CCDC192: variants seen among roughly 807,000 people sequenced by gnomAD.
CCDC192 encodes coiled-coil domain-containing protein 192.
rs1289900938 is a variant in CCDC192, at chr5:127,800,392, AAAAAAAAAACAAC to A, written c.411+2233_411+2245del. On this transcript the variant is annotated intron_variant, in intron 5 of 6. Transcript: ENST00000514853. ...AGGTATTCTGAAAAAAAAAAAAAAA[AAAAAAAAAACAAC>A]AACAACAAAAAGTAGGAAGACTGTT... Among the ~76,000 whole-genome samples, 451 of 140,008 alleles carry A rather than the reference AAAAAAAAAACAAC, an allele frequency of 3.2e-3. 1 individual carries two copies. Among genetic ancestry groups the A allele is most frequent in the African/African-American group, 0.011 (438 of 39,822 alleles). The allele number at this position is 140,008 out of a possible 152,430, so 91.9% of individuals were successfully genotyped here. A position where few individuals can be genotyped will look rare whatever the true frequency, so the allele number is the denominator to read the frequency against.
At chr5:127,741,135 A>C (rs916173223) in intron 2 of CCDC192, among the ~76,000 whole-genome samples, 2 of 152,174 alleles carry the variant, frequency 1.3e-5, no homozygotes, top group South Asian at 2.1e-4. Context: ...ATCTCGGCTC[A>C]CTGCAGCCTC....
chr5:127,918,236 G>T (rs1488261008), intron 6 of CCDC192, among the ~76,000 whole-genome samples: 1 of 119,138 alleles, frequency 8.4e-6, no homozygotes. Flanking sequence ...AAAAAAAAAA[G>T]TAGTATCTAC....
At chr5:127,786,349 A>G in intron 3 of CCDC192, 1 of 630,438 alleles carries the variant, frequency 1.6e-6, no homozygotes, top group Non-Finnish European at 2.9e-6. Flanking sequence ...AAAAAAAAAG[A>G]GAGAGATTCA....
At chr5:127,710,005 C>G (rs1751230817) in intron 2 of CCDC192, among the ~76,000 whole-genome samples, 1 of 152,156 alleles carries the variant, frequency 6.6e-6, no homozygotes, top group East Asian at 1.9e-4. Flanking sequence ...TTACCTACTA[C>G]CTTTAGGATT....
At chr5:127,743,158 T>G (rs545574806) in intron 2 of CCDC192, among the ~76,000 whole-genome samples, 2 of 152,168 alleles carry the variant, frequency 1.3e-5, no homozygotes, top group Non-Finnish European at 2.9e-5. Context: ...TCATTTCCCC[T>G]CCCCGCTTCC....
At chr5:127,824,436 G>A (rs999998438) in intron 5 of CCDC192, among the ~76,000 whole-genome samples, 2 of 152,088 alleles carry the variant, frequency 1.3e-5, no homozygotes, top group Non-Finnish European at 2.9e-5. Context: ...GAAATAATGT[G>A]GAAAAATTTT....
intron 6 of CCDC192, among the ~76,000 whole-genome samples, chr5:127,926,108 C>T (rs1182424906): frequency 6.6e-6 from 1 of 152,116 alleles, no homozygotes; most frequent in Admixed American, 6.5e-5. Context: ...TCCGCCTTTG[C>T]CTTATTTGAA....
intron 5 of CCDC192, among the ~76,000 whole-genome samples, chr5:127,802,153 A>G (rs1049654058): frequency 4.6e-5 from 7 of 152,212 alleles, no homozygotes; most frequent in African/African-American, 1.7e-4. Flanking sequence ...TTATCTGTTT[A>G]TATATCCGTT....
intron 6 of CCDC192, among the ~76,000 whole-genome samples, chr5:127,903,486 G>A (rs112745627): frequency 2.0e-5 from 3 of 152,064 alleles, no homozygotes; most frequent in African/African-American, 7.2e-5. Flanking sequence ...CAGGTGATTC[G>A]CCCGCCTTGG....
At chr5:127,773,566 A>G (rs1328951124) in intron 3 of CCDC192, among the ~76,000 whole-genome samples, 5 of 152,338 alleles carry the variant, frequency 3.3e-5, no homozygotes, top group African/African-American at 1.2e-4. Flanking sequence ...GCACTTAACA[A>G]AATGTTTTTG....
At chr5:127,874,792 A>G (rs1263929942) in intron 5 of CCDC192, among the ~76,000 whole-genome samples, 3 of 152,196 alleles carry the variant, frequency 2.0e-5, no homozygotes, top group African/African-American at 7.2e-5. Flanking sequence ...AGCTTCTCCA[A>G]AGTTGCAGAT....
At chr5:127,743,296 C>T (rs896888346) in intron 2 of CCDC192, among the ~76,000 whole-genome samples, 4 of 152,088 alleles carry the variant, frequency 2.6e-5, no homozygotes, top group East Asian at 1.9e-4. Context: ...AAAGGGCACC[C>T]GTACTTCCAG....
At chr5:127,794,593 T>C (rs1217448623) in intron 3 of CCDC192, among the ~76,000 whole-genome samples, 1 of 152,234 alleles carries the variant, frequency 6.6e-6, no homozygotes, top group African/African-American at 2.4e-5. Flanking sequence ...GATCTGACTT[T>C]CTGGCTAAAG....
intron 6 of CCDC192, among the ~76,000 whole-genome samples, chr5:127,915,508 A>G (rs1255096269): frequency 6.6e-6 from 1 of 152,122 alleles, no homozygotes; most frequent in East Asian, 1.9e-4. Flanking sequence ...CAGCCTCCCG[A>G]GTAGCTGGGA....
intron 6 of CCDC192, among the ~76,000 whole-genome samples, chr5:127,914,165 A>AT (rs925836893): frequency 2.6e-5 from 4 of 152,284 alleles, no homozygotes; most frequent in South Asian, 4.2e-4. Context: ...TAAGGCTCAC[A>AT]TTTTTTGGAT....
At chr5:127,801,852 A>G (rs191767018) in intron 5 of CCDC192, among the ~76,000 whole-genome samples, 2 of 152,348 alleles carry the variant, frequency 1.3e-5, no homozygotes, top group African/African-American at 4.8e-5. Context: ...ATCCAGCAGC[A>G]TGAGTAGCAA....
chr5:127,856,632 G>A (rs1385877057), intron 5 of CCDC192, among the ~76,000 whole-genome samples: 3 of 152,178 alleles, frequency 2.0e-5, no homozygotes, highest in Admixed American at 6.6e-5. Flanking sequence ...TTGATTTAAA[G>A]CAAGAGACTT....
chr5:127,904,495 CTTTTT>C (rs11344791), intron 6 of CCDC192, among the ~76,000 whole-genome samples: 1 of 115,830 alleles, frequency 8.6e-6, no homozygotes, highest in African/African-American at 3.5e-5. Context: ...TTGGCAGAGA[CTTTTT>C]TTTTTTTTTT....
chr5:127,752,651 C>G (rs947921742), intron 2 of CCDC192, among the ~76,000 whole-genome samples: 1 of 152,254 alleles, frequency 6.6e-6, no homozygotes, highest in African/African-American at 2.4e-5. Context: ...CCAGTTAGAG[C>G]TTCCGGGCTG....
Sources: gnomAD v4.1 joint callset for allele counts (sites outside exome capture counted in the v4.1 genomes callset) on GRCh38, gnomAD v4.1.1 for gene constraint, MANE v1.5 for transcripts, NCBI Gene and HGNC (gene_info 2026-07-23, HGNC 2026-07-21) for gene names.